Variants in EIF2AK2 observed in about 807,000 individuals in gnomAD.
EIF2AK2 encodes the protein eukaryotic translation initiation factor 2 alpha kinase 2.
Under a neutral mutation model 70.5 loss-of-function variants are expected in EIF2AK2, and 40 were observed. The ratio of observed to expected loss-of-function variants is 0.57; its 90% CI spans 0.44 to 0.74. EIF2AK2 has a LOEUF of 0.74. EIF2AK2 is among the 30% of genes least tolerant of loss of function. The probability of loss-of-function intolerance (pLI) is 0.00; values close to 1 mark genes in which losing one functional copy is unlikely to be tolerated. For synonymous variants in EIF2AK2, 198 were observed against 220.9 expected (o/e 0.90, Z 0.92); for missense variants, 555 against 644.3 (o/e 0.86, Z 1.50).
chr2:37,115,649 C>T (rs1480899001), intron 13 of EIF2AK2, among the ~76,000 whole-genome samples: 3 of 152,058 alleles, frequency 2.0e-5, no homozygotes, highest in African/African-American at 7.2e-5. Flanking sequence ...GGGACTGAAG[C>T]AGACATCCTT....
intron 13 of EIF2AK2, among the ~76,000 whole-genome samples, chr2:37,115,776 A>G (rs994683836): frequency 1.3e-5 from 2 of 152,182 alleles, no homozygotes; most frequent in Admixed American, 1.3e-4. Flanking sequence ...CAACTTCTTA[A>G]CAAACACATC....
chr2:37,149,543 G>C (rs554674624), intron 1 of EIF2AK2, among the ~76,000 whole-genome samples: 1 of 138,666 alleles, frequency 7.2e-6, no homozygotes, highest in East Asian at 2.4e-4. Flanking sequence ...GTGTAGGCAG[G>C]TCCTCAATGT....
Position 37,132,805 on chromosome 2 carries a change from G to A in EIF2AK2, c.785+2679C>T, listed in dbSNP as rs546883184. The stretch of plus-strand genomic sequence containing the variant: ...CCTTCTTTTCCAACCCATCAAGCCA[G>A]GGGACACCTTCCAAGACAAGACTGG... On this transcript the variant is annotated intron_variant, in intron 10 of 16. Transcript: ENST00000233057. 2.0e-5 allele frequency among the ~76,000 whole-genome samples: 3 copies of A among 152,108 alleles called. 1 individual carries two copies. The highest frequency in any genetic ancestry group is 4.2e-4 in the South Asian group (2 of 4,818).
At chr2:37,119,129 G>T (rs1674445142) in intron 13 of EIF2AK2, among the ~76,000 whole-genome samples, 1 of 152,140 alleles carries the variant, frequency 6.6e-6, no homozygotes, top group African/African-American at 2.4e-5. Context: ...AGGCTGTGAA[G>T]GGCTATTCTG....
chr2:37,141,653 A>C lies in EIF2AK2; in HGVS notation c.289T>G (p.Ser97Ala). ...ATAAGGCCTATGTAATTCCCCATGG[A>C]TAATCCTTCTGAAGAATTCGTTGTT... ...LTTTNSSEGL[S>A]MGNYIGLINR... The change falls in exon 5 of 17, where the codon TCC becomes GCC. Residue 97 changes from serine (S) to alanine (A), a missense_variant. This residue lies in a region of EIF2AK2 where 208 missense variants were observed against 191.8 expected (regional missense o/e 1.08). Transcript: ENST00000233057. 1 of 1,614,014 alleles carries C rather than the reference A, an allele frequency of 6.2e-7. No individual in the cohort carries two copies. Among genetic ancestry groups the C allele is most frequent in the Non-Finnish European group, 8.5e-7 (1 of 1,179,970 alleles).
Position 37,120,137 on chromosome 2 carries a change from G to C in EIF2AK2, c.1070C>G (p.Ser357Ter), listed in dbSNP as rs748007910. ...DPENSKNSSR[S>*]KTKCLFIQME... ...TTGGATGAAAAGGCACTTAGTCTTT[G>C]ACCTGGGTATAAAATTCACAGTATG... Residue 357 changes from serine to a stop codon, truncating the protein, a stop_gained and splice_region_variant, in exon 13 of 17, where the codon TCA (serine) becomes TGA (stop). Transcript: ENST00000233057. LOFTEE classifies it high-confidence loss of function. 1.4e-6 allele frequency: 2 copies of C among 1,417,428 alleles called. No individual in the cohort carries two copies. The highest frequency in any genetic ancestry group is 1.9e-5 in the South Asian group (1 of 51,824). 87.8% of individuals were successfully genotyped at this position (1,417,428 alleles called of 1,614,324 possible). A position where few individuals can be genotyped will look rare whatever the true frequency, so the allele number is the denominator to read the frequency against.
chr2:37,137,751 G>C (rs970455651), intron 8 of EIF2AK2, among the ~76,000 whole-genome samples: 1 of 152,110 alleles, frequency 6.6e-6, no homozygotes. Flanking sequence ...AAAATATAAG[G>C]ATGAGTGAGG....
In EIF2AK2 at chr2:37,147,996, C is replaced by T. The variant is rs1036456070; in HGVS notation, c.-16-174G>A. On this transcript the variant is annotated intron_variant, in intron 2 of 16. Coordinates refer to ENST00000233057, the MANE Select transcript of EIF2AK2 (RefSeq NM_001135651.3). Reference sequence around the variant, plus strand: ...AAAACCGTTCTTTCTTTCTCATTCACTGCACAATAAAGTTAATTTCTCCAA... The same window carrying T: ...AAAACCGTTCTTTCTTTCTCATTCATTGCACAATAAAGTTAATTTCTCCAA... Among the ~76,000 whole-genome samples, 6 of 152,170 alleles carry T rather than the reference C, an allele frequency of 3.9e-5. No homozygotes were observed. In the South Asian group the frequency reaches 1.2e-3, roughly 32 times the overall value.
At chr2:37,151,441 AAAT>A (rs1360790876) in intron 1 of EIF2AK2, among the ~76,000 whole-genome samples, 1 of 152,224 alleles carries the variant, frequency 6.6e-6, no homozygotes, top group Non-Finnish European at 1.5e-5. Context: ...AATAATCAGG[AAAT>A]AATAAAAAAT....
intron 1 of EIF2AK2, among the ~76,000 whole-genome samples, chr2:37,155,325 T>A (rs1464592294): frequency 6.6e-6 from 1 of 152,202 alleles, no homozygotes; most frequent in African/African-American, 2.4e-5. Context: ...TTTTCCAAAA[T>A]AGAGCATGAA....
intron 10 of EIF2AK2, 91 bp downstream of exon 10, chr2:37,135,393 T>G (rs937311692): frequency 2.9e-6 from 3 of 1,026,860 alleles, no homozygotes; most frequent in Non-Finnish European, 4.4e-6. Context: ...TATTTTTAAC[T>G]GACAGGATCA....
chr2:37,117,139 G>C (rs1331768761), intron 13 of EIF2AK2, among the ~76,000 whole-genome samples: 1 of 151,394 alleles, frequency 6.6e-6, no homozygotes, highest in African/African-American at 2.4e-5. Context: ...CGTGAACCCA[G>C]GAGTCAGAGG....
At chr2:37,112,033 G>A (rs1258609502) in intron 14 of EIF2AK2, among the ~76,000 whole-genome samples, 2 of 151,044 alleles carry the variant, frequency 1.3e-5, no homozygotes, top group Non-Finnish European at 2.9e-5. Flanking sequence ...CTCCTAGTGA[G>A]AGGATTACTC....
intron 9 of EIF2AK2, among the ~76,000 whole-genome samples, chr2:37,136,418 T>C (rs1029749800): frequency 6.6e-6 from 1 of 152,226 alleles, no homozygotes; most frequent in Non-Finnish European, 1.5e-5. Flanking sequence ...GCCACAGTAA[T>C]CGTGGCTGAG....
At chr2:37,148,444 C>T (rs570137447) in intron 2 of EIF2AK2, 9 of 395,408 alleles carry the variant, frequency 2.3e-5, no homozygotes, top group East Asian at 1.1e-4. Flanking sequence ...GGAAGCCAGG[C>T]GGAGGAGAGC....
intron 10 of EIF2AK2, among the ~76,000 whole-genome samples, chr2:37,134,741 A>G (rs1192827387): frequency 1.3e-5 from 2 of 152,162 alleles, no homozygotes; most frequent in Non-Finnish European, 2.9e-5. Context: ...CTCCAACTGT[A>G]TTTATGACAA....
intron 15 of EIF2AK2, among the ~76,000 whole-genome samples, chr2:37,108,088 G>C (rs538435026): frequency 1.3e-5 from 2 of 151,244 alleles, no homozygotes; most frequent in Non-Finnish European, 2.9e-5. Flanking sequence ...AGAAGTTACA[G>C]TGAGCCAAGA....
chr2:37,140,662 A>C (rs1010285329), intron 5 of EIF2AK2, among the ~76,000 whole-genome samples: 2 of 151,652 alleles, frequency 1.3e-5, no homozygotes, highest in African/African-American at 4.8e-5. Context: ...TAATTTAAAG[A>C]AACCAAAAAA....
At chr2:37,125,996 A>G (rs1674715980) in intron 11 of EIF2AK2, among the ~76,000 whole-genome samples, 1 of 152,262 alleles carries the variant, frequency 6.6e-6, no homozygotes, top group Non-Finnish European at 1.5e-5. Flanking sequence ...GGTTTTTAAA[A>G]TACGGAGCAT....
Sources: gnomAD v4.1 joint callset for allele counts (sites outside exome capture counted in the v4.1 genomes callset) on GRCh38, gnomAD v4.1.1 for gene constraint, gnomAD v4.1.1 regional missense constraint, MANE v1.5 for transcripts, NCBI Gene and HGNC (gene_info 2026-07-23, HGNC 2026-07-21) for gene names.